The following SNCAIP variants were observed in gnomAD, a reference collection of about 807,000 sequenced individuals.
SNCAIP encodes the protein synphilin-1.
In SNCAIP, 43 loss-of-function variants were observed where a neutral mutation model predicts 86.7. The observed-to-expected ratio is 0.50, with a 90% CI of 0.39 to 0.64. The LOEUF (loss-of-function observed/expected upper bound fraction) is 0.64, where lower values mean the gene tolerates loss of function less well. Ranked by LOEUF, SNCAIP falls within the 30% of genes least tolerant of loss-of-function variation. The pLI is 0.00. For missense variants in SNCAIP, 981 were observed against 1,103.1 expected (o/e 0.89, Z 1.57); for synonymous variants, 417 against 427.2 (o/e 0.98, Z 0.29).
At chr5:122,369,817 A>G (rs1450567552) in intron 1 of SNCAIP, 4 of 152,176 alleles carry the variant, frequency 2.6e-5, no homozygotes, top group Admixed American at 6.6e-5. Flanking sequence ...GAGCTCCTCA[A>G]TGGGACTCTT....
intron 1 of SNCAIP, among the ~76,000 whole-genome samples, chr5:122,330,385 T>C (rs1245614999): frequency 6.6e-6 from 1 of 152,074 alleles, no homozygotes; most frequent in Non-Finnish European, 1.5e-5. Flanking sequence ...CCTCCCAAAG[T>C]GCTGGGATTA....
chr5:122,331,310 C>T (rs944406287), intron 1 of SNCAIP, among the ~76,000 whole-genome samples: 1 of 152,176 alleles, frequency 6.6e-6, no homozygotes, highest in African/African-American at 2.4e-5. Context: ...TTTAAATGTT[C>T]ATTAAGCAGT....
rs12518894 is a variant in SNCAIP at position 122,366,733 on chromosome 5, C to G, written c.-46-24356C>G. On this transcript the variant is annotated intron_variant, in intron 1 of 10. Transcript: ENST00000261368. The stretch of plus-strand genomic sequence containing the variant: ...ATAGGAGCTGAATGTAGGCAGGCAC[C>G]CAACATGAGAGGCTTCGTGTGACTT... 7.3e-3 allele frequency among the ~76,000 whole-genome samples: 1,110 copies of G among 152,142 alleles called. 28 individuals are homozygous for G. The highest frequency in any genetic ancestry group is 0.032 in the Admixed American group (491 of 15,270).
intron 1 of SNCAIP, among the ~76,000 whole-genome samples, chr5:122,342,039 T>G (rs1156996233): frequency 1.3e-5 from 2 of 152,148 alleles, no homozygotes; most frequent in Non-Finnish European, 2.9e-5. Flanking sequence ...GAACTAACAC[T>G]TCTGTGAATG....
chr5:122,364,754 A>C (rs1001848280), intron 1 of SNCAIP, among the ~76,000 whole-genome samples: 35 of 151,984 alleles, frequency 2.3e-4, no homozygotes, highest in Non-Finnish European at 7.4e-5. Flanking sequence ...TTATATTTCA[A>C]TAAATTTTAA....
intron 6 of SNCAIP, among the ~76,000 whole-genome samples, chr5:122,439,622 A>G (rs1335397952): frequency 6.6e-6 from 1 of 152,228 alleles, no homozygotes; most frequent in East Asian, 1.9e-4. Context: ...CCAGAAAAGT[A>G]TAAAAGTTCA....
intron 1 of SNCAIP, among the ~76,000 whole-genome samples, chr5:122,378,874 G>A (rs1179636009): frequency 1.4e-5 from 2 of 145,832 alleles, no homozygotes; most frequent in East Asian, 4.1e-4. Context: ...ATTTCTGAGG[G>A]CTCTGTTCTG....
chr5:122,320,963 C>G (rs1396464589), intron 1 of SNCAIP, among the ~76,000 whole-genome samples: 1 of 152,172 alleles, frequency 6.6e-6, no homozygotes, highest in Non-Finnish European at 1.5e-5. Flanking sequence ...GTCGGTCCCC[C>G]TGTTGTCTCT....
At chr5:122,348,964 G>T (rs1286323993) in intron 1 of SNCAIP, among the ~76,000 whole-genome samples, 1 of 152,020 alleles carries the variant, frequency 6.6e-6, no homozygotes, top group Non-Finnish European at 1.5e-5. Flanking sequence ...TTTGTTCCTT[G>T]TGATATAATT....
intron 10 of SNCAIP, among the ~76,000 whole-genome samples, chr5:122,457,201 C>G (rs1784968377): frequency 6.6e-6 from 1 of 152,062 alleles, no homozygotes; most frequent in African/African-American, 2.4e-5. Context: ...CGAGGTTTCA[C>G]CCTGTTGGCC....
At chr5:122,365,014 G>A (rs1441900336) in intron 1 of SNCAIP, among the ~76,000 whole-genome samples, 1 of 152,170 alleles carries the variant, frequency 6.6e-6, no homozygotes, top group African/African-American at 2.4e-5. Flanking sequence ...TAAGACTAGA[G>A]TTTGAACATA....
intron 3 of SNCAIP, among the ~76,000 whole-genome samples, chr5:122,405,228 G>A (rs1167134613): frequency 2.6e-5 from 4 of 152,174 alleles, no homozygotes; most frequent in Non-Finnish European, 5.9e-5. Flanking sequence ...TTGAATCTGT[G>A]ACTAGTTATC....
intron 3 of SNCAIP, among the ~76,000 whole-genome samples, chr5:122,412,376 A>C (rs1356471598): frequency 6.6e-6 from 1 of 152,126 alleles, no homozygotes; most frequent in African/African-American, 2.4e-5. Context: ...CATGCTGTCA[A>C]ATGCACTGAC....
At chr5:122,373,586 G>A (rs897346290) in intron 1 of SNCAIP, among the ~76,000 whole-genome samples, 1 of 152,150 alleles carries the variant, frequency 6.6e-6, no homozygotes, top group Non-Finnish European at 1.5e-5. Context: ...TGGGAAACAC[G>A]TTTGTTTTAT....
chr5:122,324,917 C>G (rs1210262562), intron 1 of SNCAIP, among the ~76,000 whole-genome samples: 1 of 152,108 alleles, frequency 6.6e-6, no homozygotes, highest in Non-Finnish European at 1.5e-5. Context: ...CACCTGACAG[C>G]ATAGAAATAA....
chr5:122,389,431 G>C (rs1427735563), intron 1 of SNCAIP: 1 of 152,182 alleles, frequency 6.6e-6, no homozygotes, highest in Non-Finnish European at 1.5e-5. Context: ...AAGTCTCCTA[G>C]TGAACACGCT....
chr5:122,391,633 A>T (rs1432904939), intron 2 of SNCAIP, among the ~76,000 whole-genome samples: 1 of 152,218 alleles, frequency 6.6e-6, no homozygotes, highest in African/African-American at 2.4e-5. Context: ...CTTTCCAATC[A>T]CTGTAGATAT....
chr5:122,443,376 G>A (rs1581309547), intron 7 of SNCAIP, among the ~76,000 whole-genome samples: 1 of 152,070 alleles, frequency 6.6e-6, no homozygotes, highest in South Asian at 2.1e-4. Flanking sequence ...ATCACAGTAT[G>A]GACACAAAAT....
chr5:122,330,229 G>C (rs982259235), intron 1 of SNCAIP, among the ~76,000 whole-genome samples: 2 of 144,378 alleles, frequency 1.4e-5, no homozygotes, highest in East Asian at 2.1e-4. Flanking sequence ...TCACGCCATT[G>C]TCCTGCCTCA....
Sources: gnomAD v4.1 joint callset for allele counts (sites outside exome capture counted in the v4.1 genomes callset) on GRCh38, gnomAD v4.1.1 for gene constraint, MANE v1.5 for transcripts, NCBI Gene and HGNC (gene_info 2026-07-23, HGNC 2026-07-21) for gene names.